Variants in NLGN4Y observed in about 807,000 individuals in gnomAD.
NLGN4Y encodes neuroligin 4 Y-linked, also known as neuroligin-4, Y-linked.
Under a neutral mutation model 8.4 loss-of-function variants are expected in NLGN4Y, and 4 were observed. That is an observed-to-expected ratio of 0.48 (90% CI 0.23 to 1.09). The LOEUF (loss-of-function observed/expected upper bound fraction) is 1.09, where lower values mean the gene tolerates loss of function less well. Ranked by LOEUF, NLGN4Y falls within the 50% of genes least tolerant of loss-of-function variation. The pLI is 0.19. For missense variants in NLGN4Y, 90 were observed against 192.3 expected (o/e 0.47, Z 3.15); for synonymous variants, 35 against 75.6 (o/e 0.46, Z 2.78).
At chrY:14,539,152 G>A (rs549690281) in intron 1 of NLGN4Y, among the ~76,000 whole-genome samples, 869 of 33,530 alleles carry the variant, frequency 0.026, no homozygotes, top group Middle Eastern at 0.18. Flanking sequence ...GTCTGTGACC[G>A]TTTCTTAGTC....
chrY:14,805,351 T>C, intron 4 of NLGN4Y, among the ~76,000 whole-genome samples: 2 of 33,029 alleles, frequency 6.1e-5, no homozygotes, highest in Non-Finnish European at 7.4e-5. Flanking sequence ...TTTGAAACAA[T>C]AGAAAATCTG....
chrY:14,569,084 C>A, intron 1 of NLGN4Y, among the ~76,000 whole-genome samples: 1 of 33,163 alleles, frequency 3.0e-5, no homozygotes, highest in Non-Finnish European at 7.4e-5. Context: ...ACACAAGAGC[C>A]TTCAGAACGA....
At chrY:14,598,460 T>C in intron 1 of NLGN4Y, among the ~76,000 whole-genome samples, 1 of 33,526 alleles carries the variant, frequency 3.0e-5, no homozygotes, top group Non-Finnish European at 7.5e-5. Context: ...CCCCATTGCC[T>C]GGGGCCAGCA....
At chrY:14,826,736 C>T in intron 5 of NLGN4Y, among the ~76,000 whole-genome samples, 4 of 31,781 alleles carry the variant, frequency 1.3e-4, no homozygotes, top group Admixed American at 5.8e-4. Flanking sequence ...AGTGAGACCA[C>T]ATTTATACAA....
At chrY:14,661,883 GC>G (rs2080675835) in intron 2 of NLGN4Y, among the ~76,000 whole-genome samples, 1 of 33,709 alleles carries the variant, frequency 3.0e-5, no homozygotes. Flanking sequence ...ATCCAGTGCA[GC>G]CATCAAGTGA....
rs750818562 is a variant in NLGN4Y at position 14,655,273 on chromosome Y, CT to C, written c.472+32699del. On this transcript the variant is annotated intron_variant, in intron 2 of 6. Transcript: ENST00000684976. ...TTTATGAGAACTTTCCATTTTAAGC[CT>C]TTTTTTTTTTTTTTTTCCCTCTCAT... Among the ~76,000 whole-genome samples, 89 of 23,643 alleles carry C rather than the reference CT, an allele frequency of 3.8e-3. No homozygotes were observed. The East Asian group carries it at 0.055, about 15-fold the overall frequency. 63.4% of individuals were successfully genotyped at this position (23,643 alleles called of 37,273 possible).
At chrY:14,724,400 A>G in intron 4 of NLGN4Y, among the ~76,000 whole-genome samples, 2 of 31,153 alleles carry the variant, frequency 6.4e-5, no homozygotes, top group African/African-American at 2.5e-4. Flanking sequence ...TTTTTTTTTC[A>G]TAACAAATCA....
chrY:14,717,254 C>T (rs2080918723), intron 2 of NLGN4Y, among the ~76,000 whole-genome samples: 1 of 33,383 alleles, frequency 3.0e-5, no homozygotes, highest in African/African-American at 1.2e-4. Context: ...ATTAGCCGGT[C>T]ATGGTGGAGG....
intron 6 of NLGN4Y, among the ~76,000 whole-genome samples, chrY:14,837,340 A>C: frequency 3.0e-5 from 1 of 33,446 alleles, no homozygotes. Flanking sequence ...TCATAGTACT[A>C]TATCCATCTC....
intron 2 of NLGN4Y, among the ~76,000 whole-genome samples, chrY:14,662,147 A>G (rs2080676918): frequency 3.0e-5 from 1 of 33,886 alleles, no homozygotes; most frequent in African/African-American, 1.1e-4. Flanking sequence ...AGAACACTGA[A>G]TCCTGCTAAT....
At chrY:14,783,303 A>C in intron 4 of NLGN4Y, among the ~76,000 whole-genome samples, 1 of 33,305 alleles carries the variant, frequency 3.0e-5, no homozygotes, top group South Asian at 6.7e-4. Flanking sequence ...GAGTCATACT[A>C]AGTCTATTTT....
At chrY:14,696,974 A>G in intron 2 of NLGN4Y, among the ~76,000 whole-genome samples, 1 of 32,369 alleles carries the variant, frequency 3.1e-5, no homozygotes, top group African/African-American at 1.2e-4. Flanking sequence ...AACATTATTC[A>G]ACACAATACA....
intron 4 of NLGN4Y, among the ~76,000 whole-genome samples, chrY:14,811,113 T>C (rs2150587755): frequency 2.9e-5 from 1 of 33,935 alleles, no homozygotes; most frequent in Non-Finnish European, 7.3e-5. Flanking sequence ...TCTGTATATG[T>C]ATGTGCTCCT....
At chrY:14,704,354 G>A (rs1028399797) in intron 2 of NLGN4Y, among the ~76,000 whole-genome samples, 23 of 33,401 alleles carry the variant, frequency 6.9e-4, no homozygotes, top group African/African-American at 2.7e-3. Context: ...GATTTATTGA[G>A]AGTTTTTAGC....
At chrY:14,678,049 A>G (rs775878726) in intron 2 of NLGN4Y, among the ~76,000 whole-genome samples, 222 of 33,272 alleles carry the variant, frequency 6.7e-3, no homozygotes, top group Admixed American at 0.017. Context: ...TTTAATGCCT[A>G]CCTCACTTGT....
intron 1 of NLGN4Y, among the ~76,000 whole-genome samples, chrY:14,585,818 T>C (rs2080338454): frequency 2.9e-5 from 1 of 33,910 alleles, no homozygotes; most frequent in East Asian, 7.7e-4. Context: ...ATTCTGTCTC[T>C]TGACTTTGCA....
intron 2 of NLGN4Y, among the ~76,000 whole-genome samples, chrY:14,633,602 C>G: frequency 3.0e-5 from 1 of 33,858 alleles, no homozygotes; most frequent in Non-Finnish European, 7.3e-5. Flanking sequence ...GCTGGGATTA[C>G]AGGTATGAGC....
chrY:14,736,733 C>T, intron 4 of NLGN4Y, among the ~76,000 whole-genome samples: 1 of 32,292 alleles, frequency 3.1e-5, no homozygotes, highest in Non-Finnish European at 7.5e-5. Context: ...CTCCCATTTG[C>T]TCTGCCCTTC....
At chrY:14,631,814 A>G (rs984370770) in intron 2 of NLGN4Y, among the ~76,000 whole-genome samples, 11 of 33,433 alleles carry the variant, frequency 3.3e-4, no homozygotes, top group Admixed American at 1.6e-3. Context: ...TCCAGCTACA[A>G]CTTAACCTGT....
Sources: gnomAD v4.1 joint callset for allele counts (sites outside exome capture counted in the v4.1 genomes callset) on GRCh38, gnomAD v4.1.1 for gene constraint, MANE v1.5 for transcripts, NCBI Gene and HGNC (gene_info 2026-07-23, HGNC 2026-07-21) for gene names.